The following PLCB1 variants were observed in gnomAD, a reference collection of about 807,000 sequenced individuals.
PLCB1 encodes the protein 1-phosphatidylinositol 4,5-bisphosphate phosphodiesterase beta-1.
Under a neutral mutation model 161.8 loss-of-function variants are expected in PLCB1, and 46 were observed. The observed-to-expected ratio is 0.28, with a 90% confidence interval of 0.22 to 0.36. PLCB1 has a LOEUF of 0.36. Ranked by LOEUF, PLCB1 falls within the 10% of genes least tolerant of loss-of-function variation. PLCB1 has a pLI of 1.00. For synonymous variants in PLCB1, 517 were observed against 503.7 expected (o/e 1.03, Z -0.35); for missense variants, 1,016 against 1,472.5 (o/e 0.69, Z 5.07).
chr20:8,484,348 T>G (rs1016929557), intron 3 of PLCB1, among the ~76,000 whole-genome samples: 1 of 112,462 alleles, frequency 8.9e-6, no homozygotes, highest in African/African-American at 2.8e-5. Flanking sequence ...TTTTGCTAGC[T>G]GCTGCTTCTT....
chr20:8,662,555 TATA>T (rs1489268978), intron 9 of PLCB1, among the ~76,000 whole-genome samples: 6 of 145,160 alleles, frequency 4.1e-5, no homozygotes, highest in African/African-American at 1.5e-4. Context: ...TTATTTATCA[TATA>T]ATTACAATAT....
chr20:8,823,473 G>A (rs1169680951), intron 31 of PLCB1, among the ~76,000 whole-genome samples: 4 of 152,204 alleles, frequency 2.6e-5, no homozygotes, highest in Non-Finnish European at 4.4e-5. Flanking sequence ...TTGTGCATCC[G>A]TGGATTTTGG....
intron 1 of PLCB1, among the ~76,000 whole-genome samples, chr20:8,144,782 T>G (rs1228639349): frequency 1.3e-5 from 2 of 152,224 alleles, no homozygotes; most frequent in South Asian, 2.1e-4. Context: ...GCCCTGCTGC[T>G]TCCTGATGCA....
chr20:8,722,110 T>C (rs189561387), intron 14 of PLCB1, among the ~76,000 whole-genome samples: 1 of 151,912 alleles, frequency 6.6e-6, no homozygotes, highest in East Asian at 1.9e-4. Flanking sequence ...CACGCATTTT[T>C]TAATAGAATT....
chr20:8,499,037 GA>G (rs2122804036), intron 3 of PLCB1, among the ~76,000 whole-genome samples: 1 of 152,244 alleles, frequency 6.6e-6, no homozygotes, highest in East Asian at 1.9e-4. Context: ...TGTCAAGGTT[GA>G]AAACCCAAGA....
At chr20:8,769,177 T>G (rs1982535586) in intron 26 of PLCB1, among the ~76,000 whole-genome samples, 1 of 152,300 alleles carries the variant, frequency 6.6e-6, no homozygotes, top group African/African-American at 2.4e-5. Flanking sequence ...TATTTTTAAT[T>G]TCAGATATTT....
Position 8,144,983 on chromosome 20 carries a change from A to G in PLCB1, c.100-5311A>G, listed in dbSNP as rs1419902014. On this transcript the variant is annotated intron_variant, in intron 1 of 31. Coordinates refer to ENST00000338037, the MANE Select transcript of PLCB1 (RefSeq NM_015192.4). The stretch of plus-strand genomic sequence containing the variant: ...GACTTTCTGACAGTGGTGCTGAGGA[A>G]TGTGCCATGGGTCTGTGGACTGGCC... 4.6e-5 allele frequency among the ~76,000 whole-genome samples: 7 copies of G among 152,172 alleles called. No homozygotes were observed. In the East Asian group the frequency reaches 1.2e-3, roughly 25 times the overall value.
intron 3 of PLCB1, among the ~76,000 whole-genome samples, chr20:8,416,338 CTAATTATT>C (rs1979269962): frequency 6.9e-6 from 1 of 144,498 alleles, no homozygotes; most frequent in African/African-American, 2.5e-5. Context: ...GGAGAGAAGA[CTAATTATT>C]TATAGAAAAA....
chr20:8,558,250 G>A (rs1309620967), intron 3 of PLCB1, among the ~76,000 whole-genome samples: 2 of 151,798 alleles, frequency 1.3e-5, no homozygotes, highest in African/African-American at 2.4e-5. Context: ...ATTATGCATT[G>A]CATGCCTGTA....
At chr20:8,709,647 C>T (rs567532408) in intron 12 of PLCB1, among the ~76,000 whole-genome samples, 1 of 152,162 alleles carries the variant, frequency 6.6e-6, no homozygotes, top group Non-Finnish European at 1.5e-5. Flanking sequence ...TTCACTAGAT[C>T]TTAAAGATGC....
intron 3 of PLCB1, among the ~76,000 whole-genome samples, chr20:8,393,355 T>C (rs899262402): frequency 2.6e-5 from 4 of 151,934 alleles, no homozygotes; most frequent in African/African-American, 9.7e-5. Context: ...TCCAAGTGAG[T>C]TCCTTGGAAT....
chr20:8,321,375 G>A (rs1048130188), intron 2 of PLCB1, among the ~76,000 whole-genome samples: 4 of 152,038 alleles, frequency 2.6e-5, no homozygotes, highest in Non-Finnish European at 5.9e-5. Context: ...TAAGCATTTC[G>A]TTCATTTGTT....
chr20:8,187,577 C>A (rs953152249), intron 2 of PLCB1, among the ~76,000 whole-genome samples: 1 of 152,162 alleles, frequency 6.6e-6, no homozygotes, highest in Admixed American at 6.6e-5. Context: ...TATCTCTCCA[C>A]TTCCTAGAGT....
At chr20:8,701,425 A>G (rs541999578) in intron 11 of PLCB1, among the ~76,000 whole-genome samples, 1 of 152,044 alleles carries the variant, frequency 6.6e-6, no homozygotes, top group Admixed American at 6.5e-5. Flanking sequence ...CCTTCCTCAA[A>G]TGTCACCTTC....
intron 3 of PLCB1, among the ~76,000 whole-genome samples, chr20:8,420,278 C>G (rs1413969386): frequency 6.6e-6 from 1 of 152,164 alleles, no homozygotes; most frequent in Admixed American, 6.6e-5. Flanking sequence ...TAGCAAACTG[C>G]TCCTACCTAC....
At chr20:8,466,053 A>T (rs1232722) in intron 3 of PLCB1, among the ~76,000 whole-genome samples, 3 of 144,646 alleles carry the variant, frequency 2.1e-5, no homozygotes, top group Non-Finnish European at 4.6e-5. Context: ...TATTCACAAT[A>T]GCAAAGACTT....
At chr20:8,337,797 G>A (rs6039144) in intron 2 of PLCB1, among the ~76,000 whole-genome samples, 5,862 of 152,068 alleles carry the variant, frequency 0.039, 361 homozygotes, top group African/African-American at 0.13. Context: ...TTTCCAAAGC[G>A]GTTTATCTTC....
chr20:8,770,142 CG>C (rs776921451), intron 26 of PLCB1, among the ~76,000 whole-genome samples: 1 of 151,792 alleles, frequency 6.6e-6, no homozygotes, highest in Non-Finnish European at 1.5e-5. Context: ...TTAGTAGAGA[CG>C]GGGTTTCACT....
intron 2 of PLCB1, among the ~76,000 whole-genome samples, chr20:8,176,419 A>C (rs916947405): frequency 1.3e-5 from 2 of 152,212 alleles, no homozygotes; most frequent in African/African-American, 4.8e-5. Flanking sequence ...CATTTATATA[A>C]GAGTTTTGCA....
Sources: allele counts gnomAD v4.1 joint callset (sites outside exome capture counted in the v4.1 genomes callset), GRCh38; gene constraint gnomAD v4.1.1; transcripts MANE v1.5; gene names NCBI Gene and HGNC (gene_info 2026-07-23, HGNC 2026-07-21).